The following TTC6 variants were observed in gnomAD, a reference collection of about 807,000 sequenced individuals.
The protein encoded by TTC6 is tetratricopeptide repeat protein 6.
TTC6 carries 172 observed loss-of-function variants against 210.4 expected under a neutral mutation model. The ratio of observed to expected loss-of-function variants is 0.82; its 90% CI spans 0.72 to 0.93. The LOEUF (loss-of-function observed/expected upper bound fraction) is 0.93, where lower values mean the gene tolerates loss of function less well. Ranked by LOEUF, TTC6 falls within the 40% of genes least tolerant of loss-of-function variation. TTC6 has a pLI of 0.00. For missense variants in TTC6, 2,414 were observed against 2,318.1 expected (o/e 1.04, Z -0.85); for synonymous variants, 804 against 819.6 (o/e 0.98, Z 0.32).
At chr14:37,651,411 ATATATATATATATATTTT>A (rs1566864286) in intron 1 of TTC6, among the ~76,000 whole-genome samples, 1 of 26,232 alleles carries the variant, frequency 3.8e-5, no homozygotes, top group African/African-American at 1.5e-4. Flanking sequence ...ATATATATAT[ATATATATATATATATTTT>A]TTTTTTTTTT....
At chr14:37,784,969 T>C (rs1380752233) in intron 14 of TTC6, among the ~76,000 whole-genome samples, 2 of 152,246 alleles carry the variant, frequency 1.3e-5, no homozygotes, top group African/African-American at 2.4e-5. Flanking sequence ...TTCTGGCTTG[T>C]AGAGTTTCTG....
chr14:37,642,879 A>G (rs1369925052), intron 1 of TTC6, among the ~76,000 whole-genome samples: 1 of 152,248 alleles, frequency 6.6e-6, no homozygotes, highest in African/African-American at 2.4e-5. Context: ...TAAACAGTGT[A>G]ACTAATGTAT....
intron 5 of TTC6, among the ~76,000 whole-genome samples, chr14:37,708,451 C>T (rs578118702): frequency 3.3e-5 from 5 of 151,946 alleles, no homozygotes; most frequent in African/African-American, 1.2e-4. Context: ...AAAAATACAG[C>T]GTAATGATTG....
chr14:37,635,225 G>C (rs2095677824), intron 1 of TTC6, among the ~76,000 whole-genome samples: 1 of 152,178 alleles, frequency 6.6e-6, no homozygotes, highest in Non-Finnish European at 1.5e-5. Flanking sequence ...GTTTTCATGT[G>C]TAACTCTAAT....
chr14:37,842,393 C>T lies in TTC6; in HGVS notation c.*102C>T, dbSNP rs79405710. 5.6e-3 allele frequency: 6,102 copies of T among 1,092,466 alleles called. 228 individuals are homozygous for T. The African/African-American group carries it at 0.083, about 15-fold the overall frequency. The allele number at this position is 1,092,466 out of a possible 1,614,324, so 67.7% of individuals were successfully genotyped here. A position where few individuals can be genotyped will look rare whatever the true frequency, so the allele number is the denominator to read the frequency against. On this transcript the variant is annotated 3_prime_UTR_variant, in exon 31 of 31. Transcript: ENST00000553443. The stretch of plus-strand genomic sequence containing the variant: ...GTTCTACCATTTTCATTATTGTATT[C>T]GTTATGCTTAGTCTTCCATATAACC...
chr14:37,740,676 A>G (rs1055765839), intron 10 of TTC6, among the ~76,000 whole-genome samples: 6 of 152,214 alleles, frequency 3.9e-5, no homozygotes, highest in Non-Finnish European at 7.3e-5. Context: ...TATACTACAT[A>G]TGCTTAAGTT....
chr14:37,842,514 A>G (rs2096212433), downstream of TTC6: 1 of 332,668 alleles, frequency 3.0e-6, no homozygotes, highest in East Asian at 5.1e-5. Flanking sequence ...GAATTTTTCC[A>G]AGGTTGCAGA....
chr14:37,771,346 G>A (rs1348115465), intron 14 of TTC6, among the ~76,000 whole-genome samples: 2 of 151,602 alleles, frequency 1.3e-5, no homozygotes, highest in African/African-American at 4.8e-5. Flanking sequence ...TCTGAACGTT[G>A]GCCTACCTTG....
chr14:37,643,074 G>A (rs754379490), intron 1 of TTC6, among the ~76,000 whole-genome samples: 1 of 152,158 alleles, frequency 6.6e-6, no homozygotes, highest in Non-Finnish European at 1.5e-5. Flanking sequence ...TTGGGAGGCC[G>A]AGGCAGGGGA....
At chr14:37,732,310 G>A (rs1363904522) in intron 7 of TTC6, among the ~76,000 whole-genome samples, 1 of 148,942 alleles carries the variant, frequency 6.7e-6, no homozygotes, top group Non-Finnish European at 1.5e-5. Context: ...AGCCTCCCGA[G>A]TAGCTGGGAC....
chr14:37,679,905 A>G (rs956540078), intron 1 of TTC6, among the ~76,000 whole-genome samples: 30 of 151,834 alleles, frequency 2.0e-4, no homozygotes, highest in African/African-American at 7.3e-4. Flanking sequence ...GGTCAGGCTC[A>G]TCTCAAATTC....
At chr14:37,765,072 T>G (rs1345926873) in intron 14 of TTC6, among the ~76,000 whole-genome samples, 10 of 152,044 alleles carry the variant, frequency 6.6e-5, no homozygotes, top group African/African-American at 2.4e-4. Context: ...TAATATCAAC[T>G]TAGTTTCAAT....
chr14:37,823,696 C>T, intron 26 of TTC6, 51 bp from the exon 29 acceptor site: 3 of 1,492,614 alleles, frequency 2.0e-6, no homozygotes, highest in Non-Finnish European at 1.9e-6. Context: ...GTATATGTCA[C>T]CAGAATGCAT....
intron 14 of TTC6, among the ~76,000 whole-genome samples, chr14:37,770,401 G>T (rs919376422): frequency 6.6e-6 from 1 of 151,984 alleles, no homozygotes; most frequent in African/African-American, 2.4e-5. Flanking sequence ...TTGACCGTGG[G>T]GTGTTAAAGT....
intron 28 of TTC6, among the ~76,000 whole-genome samples, 164 bp from the exon 31 acceptor site, chr14:37,827,032 C>T (rs186260378): frequency 6.5e-4 from 99 of 152,218 alleles, no homozygotes; most frequent in African/African-American, 2.1e-3. Flanking sequence ...AAACCAACTT[C>T]ATACCAACTC....
At chr14:37,735,219 T>A (rs1328708325) in intron 7 of TTC6, among the ~76,000 whole-genome samples, 1 of 152,186 alleles carries the variant, frequency 6.6e-6, no homozygotes, top group African/African-American at 2.4e-5. Context: ...AAAATCTGAC[T>A]TTTTATTCAA....
exon 12 of TTC6, chr14:37,749,762 T>G (rs1376553648): frequency 1.4e-6 from 2 of 1,461,632 alleles, no homozygotes; most frequent in Non-Finnish European, 1.8e-6. Flanking sequence ...GCATCGACAT[T>G]TAATTTATCT....
intron 14 of TTC6, among the ~76,000 whole-genome samples, chr14:37,780,633 C>CT: frequency 6.6e-6 from 1 of 152,148 alleles, no homozygotes; most frequent in South Asian, 2.1e-4. Flanking sequence ...ACCACATTTT[C>CT]TTTTTTTAAA....
chr14:37,681,213 C>T (rs2095782781), intron 2 of TTC6, among the ~76,000 whole-genome samples: 1 of 152,138 alleles, frequency 6.6e-6, no homozygotes, highest in South Asian at 2.1e-4. Flanking sequence ...CTCTAGTTGA[C>T]ACCGTTTACA....
Sources: allele counts gnomAD v4.1 joint callset (sites outside exome capture counted in the v4.1 genomes callset), GRCh38; gene constraint gnomAD v4.1.1; transcripts MANE v1.5; gene names NCBI Gene and HGNC (gene_info 2026-07-23, HGNC 2026-07-21).